VWA3B: variants seen among roughly 807,000 people sequenced by gnomAD.
VWA3B encodes von Willebrand factor A domain containing 3B.
VWA3B carries 138 observed loss-of-function variants against 158.3 expected under a neutral mutation model. The ratio of observed to expected loss-of-function variants is 0.87; its 90% confidence interval spans 0.76 to 1.00. The LOEUF (loss-of-function observed/expected upper bound fraction) is 1.00. VWA3B is among the 50% of genes least tolerant of loss of function. VWA3B has a pLI of 0.00. For missense variants in VWA3B, 1,555 were observed against 1,565.1 expected, an observed-to-expected ratio of 0.99 and a Z score of 0.11; for synonymous variants, 596 against 587.3, an observed-to-expected ratio of 1.01 and a Z score of -0.21.
chr2:98,287,469 T>C (rs972817876), intron 22 of VWA3B, among the ~76,000 whole-genome samples: 2 of 152,192 alleles, frequency 1.3e-5, no homozygotes, highest in Admixed American at 1.3e-4. Flanking sequence ...TGATTGGGAA[T>C]TAAAAATAAT....
chr2:98,129,410 T>C (rs1341439423), intron 6 of VWA3B, among the ~76,000 whole-genome samples: 2 of 152,016 alleles, frequency 1.3e-5, no homozygotes, highest in Non-Finnish European at 2.9e-5. Context: ...CTCTTCCTCT[T>C]CCTATAAGGT....
chr2:98,294,201 CACAAAAAAAAAAA>C (rs1689657780), intron 23 of VWA3B, among the ~76,000 whole-genome samples: 1 of 31,400 alleles, frequency 3.2e-5, no homozygotes, highest in African/African-American at 1.4e-4. Flanking sequence ...CACACACACA[CACAAAAAAAAAAA>C]AAAAAAAAAA....
chr2:98,298,015 C>T lies in VWA3B; in HGVS notation c.3266C>T (p.Pro1089Leu). ...ATCACGCCTGTGGGGGGCGCCATGCCCTGCCCGCTGCTCCAGGTACCCAGT... is the reference window on the plus strand; with the variant it reads ...ATCACGCCTGTGGGGGGCGCCATGCTCTGCCCGCTGCTCCAGGTACCCAGT... Reference protein sequence around the residue: ...SFITPVGGAMPCPLLQVGDYV... With the variant: ...SFITPVGGAMLCPLLQVGDYV... The change falls in exon 24 of 28, where the codon CCC (proline) becomes CTC (leucine). Residue 1089 changes from proline to leucine, a missense_variant. Transcript: ENST00000477737. The T allele has an allele frequency of 6.4e-7, 1 of 1,567,136 alleles. No homozygotes were observed. Among genetic ancestry groups the T allele is most frequent in the Non-Finnish European group, 8.6e-7 (1 of 1,157,646 alleles).
At chr2:98,209,636 CT>C (rs904509853) in intron 12 of VWA3B, among the ~76,000 whole-genome samples, 4 of 152,114 alleles carry the variant, frequency 2.6e-5, no homozygotes, top group African/African-American at 9.7e-5. Context: ...GCCCCATACT[CT>C]TTCCCCTCTT....
At chr2:98,284,989 T>C (rs1420475138) in intron 22 of VWA3B, among the ~76,000 whole-genome samples, 1 of 152,168 alleles carries the variant, frequency 6.6e-6, no homozygotes, top group East Asian at 1.9e-4. Flanking sequence ...TGCAAAATAT[T>C]ATGAGTGGTT....
chr2:98,275,831 G>T (rs562773989), intron 22 of VWA3B, among the ~76,000 whole-genome samples: 1 of 152,360 alleles, frequency 6.6e-6, no homozygotes, highest in South Asian at 2.1e-4. Context: ...GGGGGCAAAG[G>T]CCAATTTGCA....
chr2:98,244,742 A>G (rs1407590015), intron 19 of VWA3B, among the ~76,000 whole-genome samples: 1 of 152,216 alleles, frequency 6.6e-6, no homozygotes, highest in Non-Finnish European at 1.5e-5. Flanking sequence ...CAAAACTGCA[A>G]TTAAATACAT....
intron 10 of VWA3B, among the ~76,000 whole-genome samples, chr2:98,190,567 A>G (rs2871213): frequency 0.41 from 61,945 of 151,914 alleles, 12,894 homozygotes; most frequent in Middle Eastern, 0.57. Context: ...GTGATGAATG[A>G]GCTGTTTCAG....
chr2:98,311,807 C>G lies in VWA3B; in HGVS notation c.3522-12C>G, dbSNP rs911938750. 2 of 1,584,798 alleles carry G rather than the reference C, an allele frequency of 1.3e-6. No individual in the cohort carries two copies. Among genetic ancestry groups the G allele is most frequent in the East Asian group, 2.3e-5 (1 of 44,400 alleles). On this transcript the variant is annotated splice_polypyrimidine_tract_variant and intron_variant, in intron 26 of 27. Coordinates refer to ENST00000477737, the MANE Select transcript of VWA3B (RefSeq NM_144992.5). The stretch of plus-strand genomic sequence containing the variant: ...TCAAGGCAGGGTAACCCTGATCTCT[C>G]TCTGTCTCTAGAGAGGATGTGGAGG...
intron 25 of VWA3B, among the ~76,000 whole-genome samples, chr2:98,301,960 CAGA>C (rs974108136): frequency 6.6e-6 from 1 of 152,112 alleles, no homozygotes; most frequent in Admixed American, 6.6e-5. Flanking sequence ...CTAAAAGTTT[CAGA>C]AGAATTCTTT....
intron 8 of VWA3B, among the ~76,000 whole-genome samples, chr2:98,174,756 C>T (rs1293264739): frequency 6.6e-6 from 1 of 152,100 alleles, no homozygotes; most frequent in South Asian, 2.1e-4. Flanking sequence ...CTCAGGAGGG[C>T]CCTAAGCTCT....
chr2:98,315,475 G>A (rs1368671999), downstream of VWA3B, among the ~76,000 whole-genome samples: 2 of 152,200 alleles, frequency 1.3e-5, no homozygotes, highest in Non-Finnish European at 2.9e-5. Flanking sequence ...GGTACAAGGT[G>A]AATCCTTGAA....
intron 12 of VWA3B, among the ~76,000 whole-genome samples, chr2:98,198,207 C>T (rs1055227080): frequency 2.6e-5 from 4 of 152,104 alleles, no homozygotes; most frequent in Non-Finnish European, 5.9e-5. Flanking sequence ...TTTGCAACTT[C>T]TTCAACAAGG....
At chr2:98,329,936 A>T in the VWA3B span, among the ~76,000 whole-genome samples, 2 of 152,140 alleles carry the variant, frequency 1.3e-5, no homozygotes, top group Non-Finnish European at 2.9e-5. Context: ...GCAGAGTGTA[A>T]AGATGGGTGA....
chr2:98,087,634 C>T (rs1681960352), intron 1 of VWA3B, among the ~76,000 whole-genome samples: 1 of 152,202 alleles, frequency 6.6e-6, no homozygotes, highest in Non-Finnish European at 1.5e-5. Context: ...CCCAGCCGCT[C>T]TGGTGGAAAA....
At chr2:98,128,170 T>G in intron 5 of VWA3B, 69 bp from the exon 6 acceptor site, 1 of 1,555,644 alleles carries the variant, frequency 6.4e-7, no homozygotes. Context: ...AGAATGGGTA[T>G]TACTGATGAG....
At chr2:98,260,655 A>G (rs1349751342) in intron 21 of VWA3B, among the ~76,000 whole-genome samples, 1 of 151,730 alleles carries the variant, frequency 6.6e-6, no homozygotes, top group Non-Finnish European at 1.5e-5. Flanking sequence ...AGGCATAACT[A>G]TACATAACTG....
intron 8 of VWA3B, among the ~76,000 whole-genome samples, chr2:98,172,822 A>G (rs1260328864): frequency 6.6e-6 from 1 of 152,224 alleles, no homozygotes; most frequent in African/African-American, 2.4e-5. Context: ...AGAATCCTTG[A>G]GAGCCCGGTA....
intron 7 of VWA3B, among the ~76,000 whole-genome samples, chr2:98,157,119 G>A (rs987366382): frequency 6.6e-6 from 1 of 152,144 alleles, no homozygotes; most frequent in South Asian, 2.1e-4. Context: ...TAGAAGAGAC[G>A]GAGAGGGCCC....
Sources: gnomAD v4.1 joint callset for allele counts (sites outside exome capture counted in the v4.1 genomes callset) on GRCh38, gnomAD v4.1.1 for gene constraint, MANE v1.5 for transcripts, NCBI Gene and HGNC (gene_info 2026-07-23, HGNC 2026-07-21) for gene names.